ABCC9: variants seen among roughly 807,000 people sequenced by gnomAD.
ABCC9 encodes ATP-binding cassette sub-family C member 9.
In ABCC9, 95 loss-of-function variants were observed where a neutral mutation model predicts 188.3. The observed-to-expected ratio is 0.50, with a 90% CI of 0.43 to 0.60. The LOEUF (loss-of-function observed/expected upper bound fraction) is 0.60, where lower values mean the gene tolerates loss of function less well. Ranked by LOEUF, ABCC9 falls within the 20% of genes least tolerant of loss-of-function variation. The pLI is 0.00. For missense variants in ABCC9, 1,102 were observed against 1,876.3 expected, an observed-to-expected ratio of 0.59 and a Z score of 7.62; for synonymous variants, 659 against 652.7, an observed-to-expected ratio of 1.01 and a Z score of -0.15.
chr12:21,822,632 T>TACTAAAAAC (rs111696716), intron 31 of ABCC9, among the ~76,000 whole-genome samples: 34,376 of 151,480 alleles, frequency 0.23, 4,254 homozygotes, highest in Middle Eastern at 0.34. Flanking sequence ...ACCCCATCTC[T>TACTAAAAAC]ACACAAAAAT....
At chr12:21,925,834 T>A (rs756455882) in intron 5 of ABCC9, 108 bp downstream of exon 5, 1 of 1,215,874 alleles carries the variant, frequency 8.2e-7, no homozygotes, top group Non-Finnish European at 1.2e-6. Context: ...TACTTTCTAC[T>A]CCCCACACAC....
intron 29 of ABCC9, among the ~76,000 whole-genome samples, chr12:21,841,918 A>G (rs545618172): frequency 1.3e-5 from 2 of 152,210 alleles, no homozygotes; most frequent in Admixed American, 1.3e-4. Flanking sequence ...CTTGAAAAAC[A>G]CTACAGCAAA....
At chr12:21,801,265 TTCTGG>T in intron 39 of ABCC9, 84 bp from the exon 40 acceptor site, 3 of 1,556,170 alleles carry the variant, frequency 1.9e-6, no homozygotes, top group Non-Finnish European at 2.6e-6. Flanking sequence ...TCATGAATTA[TTCTGG>T]GACATTTGTT....
chr12:21,919,898 T>C (rs1948737414), intron 5 of ABCC9, among the ~76,000 whole-genome samples: 1 of 151,998 alleles, frequency 6.6e-6, no homozygotes, highest in South Asian at 2.1e-4. Context: ...GCATGCATAA[T>C]ATATTATGAC....
chr12:21,820,047 C>A (rs1241506456), intron 31 of ABCC9, among the ~76,000 whole-genome samples: 2 of 152,120 alleles, frequency 1.3e-5, no homozygotes, highest in Admixed American at 6.6e-5. Flanking sequence ...CCAAAGTGCT[C>A]CCAAATACTT....
intron 2 of ABCC9, among the ~76,000 whole-genome samples, chr12:21,939,987 A>G (rs11046238): frequency 0.18 from 27,739 of 152,174 alleles, 2,698 homozygotes; most frequent in East Asian, 0.28. Context: ...TGACCTATCC[A>G]GTCTGTTGGT....
In ABCC9 at chr12:21,910,283, G is replaced by C; in HGVS notation, c.1194C>G (p.Leu398=). 1 of 1,598,742 alleles carries C rather than the reference G, an allele frequency of 6.3e-7. No individual in the cohort carries two copies. The highest frequency in any genetic ancestry group is 8.5e-7 in the Non-Finnish European group (1 of 1,175,198). ...LAMIYNKILR[L]STSNLSMGEM... ...CCCCCATGGATAAGTTAGACGTAGA[G>C]AGCCTAAGGATTTTATTATAAATCA... is the stretch of plus-strand genomic sequence containing the variant. The change falls in exon 10 of 40, where the codon CTC becomes CTG. Residue 398 remains leucine (L), a synonymous_variant. Coordinates refer to ENST00000261200, the MANE Select transcript of ABCC9 (RefSeq NM_020297.4).
At chr12:21,906,841 C>CTTCTTTGTAAG (rs1214397964) in intron 11 of ABCC9, among the ~76,000 whole-genome samples, 1 of 152,084 alleles carries the variant, frequency 6.6e-6, no homozygotes, top group African/African-American at 2.4e-5. Context: ...TTTCCACATA[C>CTTCTTTGTAAG]TTCTTTGTAA....
chr12:21,830,195 G>C lies in ABCC9; in HGVS notation c.3567-1135C>G, dbSNP rs1943678276. On this transcript the variant is annotated intron_variant, in intron 30 of 39. Transcript: ENST00000261200. ...AAAAGCCCTATCCATTTAAACATCT[G>C]AGCCAATATCTCAAAGAAATTCATG... Among the ~76,000 whole-genome samples, 5 of 152,102 alleles carry C rather than the reference G, an allele frequency of 3.3e-5. No homozygotes were observed. In the South Asian group the frequency reaches 8.3e-4, roughly 25 times the overall value.
chr12:21,870,367 C>G (rs1448411399), intron 18 of ABCC9, among the ~76,000 whole-genome samples: 14 of 151,998 alleles, frequency 9.2e-5, no homozygotes, highest in Admixed American at 9.2e-4. Context: ...AGAGATCTTC[C>G]TGCCTCAGTC....
rs145995325 is a variant in ABCC9, at chr12:21,924,091, T to C, written c.406+1851A>G. The C allele has an allele frequency of 2.5e-3, 944 of 374,798 alleles. 7 individuals carry two copies. Among genetic ancestry groups the C allele is most frequent in the African/African-American group, 0.011 (514 of 48,148 alleles). The allele number at this position is 374,798 out of a possible 1,614,324, so 23.2% of individuals were successfully genotyped here. ...GTGGGGGTAAAAATCAGAACAGATA[T>C]TGCTTCTGTAAAGGTGAAATTGAGT... On this transcript the variant is annotated intron_variant, in intron 5 of 39. Coordinates refer to ENST00000261200, the MANE Select transcript of ABCC9 (RefSeq NM_020297.4).
intron 4 of ABCC9, among the ~76,000 whole-genome samples, chr12:21,928,503 T>C (rs1290968937): frequency 1.3e-5 from 2 of 152,020 alleles, no homozygotes; most frequent in Non-Finnish European, 2.9e-5. Flanking sequence ...CACTTACTAA[T>C]ATTATTTAGG....
At chr12:21,829,232 C>A (rs374314089) in intron 30 of ABCC9, among the ~76,000 whole-genome samples, 172 bp from the exon 31 acceptor site, 1 of 109,708 alleles carries the variant, frequency 9.1e-6, no homozygotes, top group African/African-American at 3.5e-5. Context: ...GATGGAGTCT[C>A]GCTCTGTTGC....
chr12:21,834,783 T>TACACACA (rs1943976509), intron 30 of ABCC9, among the ~76,000 whole-genome samples: 1 of 64,976 alleles, frequency 1.5e-5, no homozygotes, highest in South Asian at 6.0e-4. Context: ...ATATATAACA[T>TACACACA]TATACACACA....
At chr12:21,894,388 A>G (rs2137740495) in intron 13 of ABCC9, among the ~76,000 whole-genome samples, 1 of 152,324 alleles carries the variant, frequency 6.6e-6, no homozygotes, top group South Asian at 2.1e-4. Context: ...ACTTATGAGA[A>G]AGTTAGAAAA....
At chr12:21,883,284 G>A (rs909084823) in intron 15 of ABCC9, among the ~76,000 whole-genome samples, 2 of 152,204 alleles carry the variant, frequency 1.3e-5, no homozygotes, top group Admixed American at 6.5e-5. Context: ...GCTGTTGCGG[G>A]AGGGACCTAG....
At chr12:21,890,721 C>G (rs186869377) in intron 14 of ABCC9, among the ~76,000 whole-genome samples, 1 of 144,610 alleles carries the variant, frequency 6.9e-6, no homozygotes, top group Admixed American at 7.3e-5. Context: ...ATCGCAAGGA[C>G]AAAAAACGAA....
chr12:21,865,686 T>G (rs1380816369), intron 18 of ABCC9, among the ~76,000 whole-genome samples: 1 of 152,184 alleles, frequency 6.6e-6, no homozygotes, highest in African/African-American at 2.4e-5. Context: ...GTTGGACATT[T>G]GAGAATGTCA....
rs775621943 is a variant in ABCC9, at chr12:21,915,660, T to G, written c.816+8A>C. On this transcript the variant is annotated splice_region_variant and intron_variant, in intron 7 of 39. Coordinates refer to ENST00000261200, the MANE Select transcript of ABCC9 (RefSeq NM_020297.4). Reference sequence around the variant, plus strand: ...AATTAAGCACATGGAAGACAGACGCTAAATCACCTTTTGTTCTTCATATGC... The same window carrying G: ...AATTAAGCACATGGAAGACAGACGCGAAATCACCTTTTGTTCTTCATATGC... 6.2e-7 allele frequency: 1 copy of G among 1,611,826 alleles called. No homozygotes were observed. The highest frequency in any genetic ancestry group is 8.5e-7 in the Non-Finnish European group (1 of 1,179,298).
Sources: gnomAD v4.1 joint callset for allele counts (sites outside exome capture counted in the v4.1 genomes callset) on GRCh38, gnomAD v4.1.1 for gene constraint, MANE v1.5 for transcripts, NCBI Gene and HGNC (gene_info 2026-07-23, HGNC 2026-07-21) for gene names.